CEMIP: variants seen among roughly 807,000 people sequenced by gnomAD.
CEMIP encodes cell migration inducing hyaluronidase 1.
In CEMIP, 105 loss-of-function variants were observed where a neutral mutation model predicts 156.9. The ratio of observed to expected loss-of-function variants is 0.67; its 90% CI spans 0.57 to 0.79. The LOEUF (loss-of-function observed/expected upper bound fraction) is 0.79. Among genes scored for constraint, CEMIP ranks in the 30% least tolerant of loss-of-function variants. CEMIP has a pLI of 0.00. For synonymous variants in CEMIP, 676 were observed against 668.4 expected (o/e 1.01, Z -0.17); for missense variants, 1,457 against 1,769.4 (o/e 0.82, Z 3.17).
At position 80,900,670 on chromosome 15, in the gene CEMIP, GTGTGTGTATTT is replaced by G. The variant is rs1899485969; in HGVS notation, c.1411+4618_1411+4628del. Among the ~76,000 whole-genome samples, 20 of 147,348 alleles carry G rather than the reference GTGTGTGTATTT, an allele frequency of 1.4e-4. 1 individual carries two copies. The highest frequency in any genetic ancestry group is 4.8e-4 in the African/African-American group (19 of 39,366). On this transcript the variant is annotated intron_variant, in intron 12 of 29. Transcript: ENST00000394685. ...TGTGTCTGTGTGTGTGTCTGTGTGT[GTGTGTGTATTT>G]TGTGTGTGTATTTTGTGTCTGTCTG... is the stretch of plus-strand genomic sequence containing the variant.
chr15:80,838,271 G>C (rs1897310368), intron 1 of CEMIP, among the ~76,000 whole-genome samples: 1 of 152,154 alleles, frequency 6.6e-6, no homozygotes, highest in Non-Finnish European at 1.5e-5. Context: ...GGTGAGCCCA[G>C]CCTGTCAGGA....
Position 80,951,708 on chromosome 15 carries a change from A to C in CEMIP, c.*2784A>C, listed in dbSNP as rs1178899112. 1 of 153,156 alleles carries C rather than the reference A, an allele frequency of 6.5e-6. No individual in the cohort carries two copies. The highest frequency in any genetic ancestry group is 2.4e-5 in the African/African-American group (1 of 41,466). The allele number at this position is 153,156 out of a possible 1,614,324, so 9.5% of individuals were successfully genotyped here. On this transcript the variant is annotated 3_prime_UTR_variant, in exon 30 of 30. Transcript: ENST00000394685. ...GCTTGGAAGGGGTGTACCTAGAGCC[A>C]AGGAAATTGGCTCTGGTTTGGAAAA...
Position 80,943,091 on chromosome 15 carries a change from C to T in CEMIP, c.3846C>T (p.Thr1282=), listed in dbSNP as rs578116938. 5 of 1,614,236 alleles carry T rather than the reference C, an allele frequency of 3.1e-6. No homozygotes were observed. In the South Asian group the frequency reaches 5.5e-5, roughly 18 times the overall value. Residue 1282 remains threonine, a synonymous_variant, in exon 28 of 30, where the codon ACC becomes ACT. Transcript: ENST00000394685. ...IPWQLFNYVA[T]IPDNSIVLMA... is the part of the protein sequence containing the mutation. ...GGCAGCTTTTCAACTATGTGGCGAC[C>T]ATCCCTGACAAGTGAGTCTGTACCT...
intron 1 of CEMIP, among the ~76,000 whole-genome samples, chr15:80,865,957 C>T (rs1898114766): frequency 6.6e-6 from 1 of 152,036 alleles, no homozygotes; most frequent in Non-Finnish European, 1.5e-5. Flanking sequence ...CTTTCCTTTT[C>T]CCCCAGCACC....
At chr15:80,838,944 C>T (rs897471786) in intron 1 of CEMIP, among the ~76,000 whole-genome samples, 7 of 152,184 alleles carry the variant, frequency 4.6e-5, no homozygotes, top group African/African-American at 1.7e-4. Flanking sequence ...CCAAAGCGCT[C>T]CGTGCATGTT....
intron 1 of CEMIP, among the ~76,000 whole-genome samples, chr15:80,799,999 T>C (rs528709951): frequency 1.4e-5 from 2 of 146,312 alleles, no homozygotes; most frequent in Admixed American, 1.4e-4. Flanking sequence ...TACAGGCACA[T>C]AACACCATGC....
intron 1 of CEMIP, among the ~76,000 whole-genome samples, chr15:80,785,299 T>C (rs1422895848): frequency 6.6e-6 from 1 of 152,208 alleles, no homozygotes; most frequent in Admixed American, 6.5e-5. Flanking sequence ...TTCTTCTTTT[T>C]TGAACCTGAA....
chr15:80,820,663 G>A (rs992944131), intron 1 of CEMIP, among the ~76,000 whole-genome samples: 1 of 152,226 alleles, frequency 6.6e-6, no homozygotes, highest in Non-Finnish European at 1.5e-5. Context: ...TAAGGGCACA[G>A]GCCATAGAAG....
At chr15:80,914,909 C>A (rs538100810) in intron 14 of CEMIP, among the ~76,000 whole-genome samples, 1 of 150,572 alleles carries the variant, frequency 6.6e-6, no homozygotes, top group African/African-American at 2.5e-5. Flanking sequence ...AAGGACAATT[C>A]GATGGTTAGG....
intron 14 of CEMIP, among the ~76,000 whole-genome samples, chr15:80,913,717 A>G (rs542788642): frequency 6.6e-6 from 1 of 152,344 alleles, no homozygotes; most frequent in African/African-American, 2.4e-5. Flanking sequence ...TGTTCTGTGT[A>G]AACATCGCTG....
At chr15:80,905,965 T>G (rs1175859263) in intron 12 of CEMIP, among the ~76,000 whole-genome samples, 1 of 152,116 alleles carries the variant, frequency 6.6e-6, no homozygotes, top group African/African-American at 2.4e-5. Context: ...CAGGCCACAG[T>G]GGTGGATGCA....
rs528458200 is a variant in CEMIP, at chr15:80,805,545, G to A, written c.-176+25931G>A. On this transcript the variant is annotated intron_variant, in intron 1 of 29. Coordinates refer to ENST00000394685, the MANE Select transcript of CEMIP (RefSeq NM_001293298.2). ...CAGGAGTAGTGTTGTTCTTACCTGA[G>A]TAAGATACAGACTCTTTTTAAGGGA... Among the ~76,000 whole-genome samples, 259 of 152,284 alleles carry A rather than the reference G, an allele frequency of 1.7e-3. 3 individuals carry two copies. Among genetic ancestry groups the A allele is most frequent in the Middle Eastern group, 6.8e-3 (2 of 294 alleles).
chr15:80,911,016 G>A (rs552789383), intron 14 of CEMIP, among the ~76,000 whole-genome samples: 3 of 152,362 alleles, frequency 2.0e-5, no homozygotes, highest in Non-Finnish European at 2.9e-5. Flanking sequence ...CCTGGGTTGC[G>A]ATTGGAGTTC....
intron 1 of CEMIP, among the ~76,000 whole-genome samples, chr15:80,795,185 A>G (rs1896186874): frequency 6.6e-6 from 1 of 152,136 alleles, no homozygotes; most frequent in South Asian, 2.1e-4. Flanking sequence ...TGTGAACATC[A>G]TCCTGAAAGC....
intron 7 of CEMIP, 83 bp downstream of exon 7, chr15:80,884,437 C>G: frequency 7.2e-7 from 1 of 1,386,310 alleles, no homozygotes; most frequent in African/African-American, 1.4e-5. Context: ...TTTCCCATCT[C>G]CTCTCCCCAC....
chr15:80,884,448 A>G, intron 7 of CEMIP, 94 bp downstream of exon 7: 3 of 1,290,924 alleles, frequency 2.3e-6, no homozygotes, highest in Non-Finnish European at 3.4e-6. Context: ...CTCTCCCCAC[A>G]GCCGTACCAT....
chr15:80,942,674 A>G (rs1901387547), intron 27 of CEMIP, among the ~76,000 whole-genome samples: 1 of 152,220 alleles, frequency 6.6e-6, no homozygotes, highest in East Asian at 1.9e-4. Context: ...CAGAAGGTTT[A>G]ATCAAAAAAT....
At chr15:80,855,483 A>G (rs368667019) in intron 1 of CEMIP, among the ~76,000 whole-genome samples, 1 of 152,104 alleles carries the variant, frequency 6.6e-6, no homozygotes, top group African/African-American at 2.4e-5. Context: ...TTTGGTAGCA[A>G]AGTTGTGCCT....
intron 1 of CEMIP, among the ~76,000 whole-genome samples, chr15:80,840,813 T>C (rs1334261630): frequency 2.0e-5 from 3 of 152,138 alleles, no homozygotes; most frequent in African/African-American, 7.2e-5. Flanking sequence ...TTATGTTACA[T>C]TAGGAACACC....
Sources: allele counts gnomAD v4.1 joint callset (sites outside exome capture counted in the v4.1 genomes callset), GRCh38; gene constraint gnomAD v4.1.1; transcripts MANE v1.5; gene names NCBI Gene and HGNC (gene_info 2026-07-23, HGNC 2026-07-21).